Variants in SEMA3D observed in about 807,000 individuals in gnomAD.
The protein encoded by SEMA3D is semaphorin 3D, also known as semaphorin-3D.
In SEMA3D, 84 loss-of-function variants were observed where a neutral mutation model predicts 100.1. The ratio of observed to expected loss-of-function variants is 0.84; its 90% CI spans 0.70 to 1.01. SEMA3D has a LOEUF of 1.01. SEMA3D is among the 50% of genes least tolerant of loss of function. SEMA3D has a pLI of 0.00. For synonymous variants in SEMA3D, 312 were observed against 320.7 expected (o/e 0.97, Z 0.29); for missense variants, 875 against 934.1 (o/e 0.94, Z 0.82).
chr7:85,187,280 C>G (rs974351794), upstream of SEMA3D, among the ~76,000 whole-genome samples: 44 of 152,302 alleles, frequency 2.9e-4, no homozygotes, highest in African/African-American at 1.0e-3. Context: ...CAACCTCTAA[C>G]GTCTGATCTT....
the SEMA3D span, among the ~76,000 whole-genome samples, chr7:85,206,816 G>C: frequency 1.3e-5 from 2 of 152,020 alleles, no homozygotes; most frequent in Non-Finnish European, 2.9e-5. Context: ...GTGTCTTCAG[G>C]CTCATTGTTT....
At chr7:85,192,859 C>T in the SEMA3D span, among the ~76,000 whole-genome samples, 1 of 151,988 alleles carries the variant, frequency 6.6e-6, no homozygotes, top group Non-Finnish European at 1.5e-5. Flanking sequence ...TTTTACTTTC[C>T]AACTTTTATT....
At chr7:85,245,046 G>T in the SEMA3D span, among the ~76,000 whole-genome samples, 5 of 152,246 alleles carry the variant, frequency 3.3e-5, no homozygotes, top group Admixed American at 2.0e-4. Context: ...AACATGAAGT[G>T]ACAAGTCCTT....
chr7:85,174,912 G>T (rs908634438), intron 1 of SEMA3D, among the ~76,000 whole-genome samples: 1 of 152,078 alleles, frequency 6.6e-6, no homozygotes, highest in African/African-American at 2.4e-5. Context: ...GGTTTGCTCT[G>T]CTTATCAATT....
At chr7:85,164,494 G>A (rs920613960) in intron 1 of SEMA3D, among the ~76,000 whole-genome samples, 3 of 152,032 alleles carry the variant, frequency 2.0e-5, no homozygotes, top group African/African-American at 7.2e-5. Context: ...GTCATTATAA[G>A]TTCTCATAGT....
At chr7:85,207,210 CATAAGTAGAAAG>C in the SEMA3D span, among the ~76,000 whole-genome samples, 1 of 151,976 alleles carries the variant, frequency 6.6e-6, no homozygotes, top group South Asian at 2.1e-4. Flanking sequence ...AATTACTGGT[CATAAGTAGAAAG>C]ATATCGGGGT....
intron 17 of SEMA3D, among the ~76,000 whole-genome samples, chr7:85,011,519 A>AT (rs1181295741): frequency 1.3e-5 from 2 of 151,772 alleles, no homozygotes; most frequent in African/African-American, 4.8e-5. Flanking sequence ...TTGTTTTGGT[A>AT]TTTATTGTCT....
chr7:85,018,821 T>C (rs7806947), intron 14 of SEMA3D, among the ~76,000 whole-genome samples: 3,903 of 151,784 alleles, frequency 0.026, 176 homozygotes, highest in African/African-American at 0.089. Flanking sequence ...TAGTTTTGTT[T>C]GTAAAAAAAT....
At chr7:85,234,934 C>T in the SEMA3D span, among the ~76,000 whole-genome samples, 2 of 152,202 alleles carry the variant, frequency 1.3e-5, no homozygotes, top group African/African-American at 2.4e-5. Context: ...GGCTGGCTAG[C>T]GGCCCTCGGG....
intron 3 of SEMA3D, among the ~76,000 whole-genome samples, chr7:85,101,975 A>G (rs530701239): frequency 1.1e-4 from 16 of 152,122 alleles, no homozygotes; most frequent in African/African-American, 3.6e-4. Context: ...ATCCACAAAT[A>G]TTTATAAGCA....
intron 3 of SEMA3D, 29 bp downstream of exon 3, chr7:85,121,712 A>G: frequency 8.0e-7 from 1 of 1,256,820 alleles, no homozygotes; most frequent in Non-Finnish European, 1.1e-6. Context: ...AATCTTAATA[A>G]ACAATTTAGA....
At chr7:85,232,445 TA>T in the SEMA3D span, among the ~76,000 whole-genome samples, 1 of 152,164 alleles carries the variant, frequency 6.6e-6, no homozygotes, top group Non-Finnish European at 1.5e-5. Context: ...AAGATTTCCG[TA>T]AAAAAGGTGG....
At chr7:85,077,176 C>G (rs1791951621) in intron 5 of SEMA3D, among the ~76,000 whole-genome samples, 1 of 146,306 alleles carries the variant, frequency 6.8e-6, no homozygotes, top group African/African-American at 2.7e-5. Context: ...TAGAAAAACT[C>G]ATATATCACA....
At chr7:85,207,655 G>A in the SEMA3D span, among the ~76,000 whole-genome samples, 10 of 151,948 alleles carry the variant, frequency 6.6e-5, no homozygotes, top group East Asian at 1.5e-3. Context: ...CTAGATTGAC[G>A]GATTGAGAAT....
chr7:85,167,793 C>A (rs1790950973), intron 1 of SEMA3D, among the ~76,000 whole-genome samples: 1 of 151,816 alleles, frequency 6.6e-6, no homozygotes, highest in East Asian at 1.9e-4. Flanking sequence ...TGCACATCTG[C>A]TTCCTGATAG....
intron 5 of SEMA3D, among the ~76,000 whole-genome samples, chr7:85,080,196 A>T (rs1201060570): frequency 6.6e-6 from 1 of 152,210 alleles, no homozygotes; most frequent in African/African-American, 2.4e-5. Flanking sequence ...TTTACTATGT[A>T]GAAGTCATCA....
chr7:85,131,527 T>C (rs1280859594), intron 2 of SEMA3D, among the ~76,000 whole-genome samples: 2 of 152,042 alleles, frequency 1.3e-5, no homozygotes, highest in Non-Finnish European at 2.9e-5. Flanking sequence ...TTGGTGAATA[T>C]GTGTAGTACT....
intron 4 of SEMA3D, among the ~76,000 whole-genome samples, chr7:85,092,286 G>A (rs1305158583): frequency 1.3e-5 from 2 of 151,868 alleles, no homozygotes; most frequent in African/African-American, 4.8e-5. Context: ...ACTGTATTAT[G>A]CCTTGTCTCC....
chr7:85,130,337 ATAGT>A (rs1442662548), intron 2 of SEMA3D, among the ~76,000 whole-genome samples: 2 of 152,178 alleles, frequency 1.3e-5, no homozygotes, highest in East Asian at 1.9e-4. Context: ...CTTAGCAGTA[ATAGT>A]TATTTAGTGA....
Sources: gnomAD v4.1 joint callset for allele counts (sites outside exome capture counted in the v4.1 genomes callset) on GRCh38, gnomAD v4.1.1 for gene constraint, MANE v1.5 for transcripts, NCBI Gene and HGNC (gene_info 2026-07-23, HGNC 2026-07-21) for gene names.